The following MEMO1 variants were observed in gnomAD, a reference collection of about 807,000 sequenced individuals.
The protein encoded by MEMO1 is protein MEMO1.
Under a neutral mutation model 45.2 loss-of-function variants are expected in MEMO1, and 6 were observed. That is an observed-to-expected ratio of 0.13 (90% CI 0.07 to 0.26). The LOEUF (loss-of-function observed/expected upper bound fraction) is 0.26. MEMO1 is among the 10% of genes least tolerant of loss of function. The pLI is 1.00. For missense variants in MEMO1, 184 were observed against 370.5 expected, an observed-to-expected ratio of 0.50 and a Z score of 4.13; for synonymous variants, 78 against 124.3, an observed-to-expected ratio of 0.63 and a Z score of 2.48.
At chr2:31,971,344 C>T (rs1260571246) in intron 2 of MEMO1, among the ~76,000 whole-genome samples, 1 of 152,034 alleles carries the variant, frequency 6.6e-6, no homozygotes, top group Non-Finnish European at 1.5e-5. Context: ...ACCTCCTGGG[C>T]TCAAGTGATC....
chr2:31,890,689 G>T (rs929513258), intron 7 of MEMO1, among the ~76,000 whole-genome samples: 2 of 152,062 alleles, frequency 1.3e-5, no homozygotes, highest in Non-Finnish European at 2.9e-5. Context: ...TAAAAATCTG[G>T]GTTTCCCAAC....
chr2:31,920,712 G>T, intron 5 of MEMO1, 86 bp downstream of exon 5: 1 of 662,716 alleles, frequency 1.5e-6, no homozygotes, highest in African/African-American at 1.9e-5. Flanking sequence ...TATTACTTAT[G>T]ATATTCATAA....
chr2:31,937,567 C>A (rs556178467), intron 3 of MEMO1, among the ~76,000 whole-genome samples: 2 of 152,158 alleles, frequency 1.3e-5, no homozygotes, highest in South Asian at 2.1e-4. Flanking sequence ...TCTATATACA[C>A]GCTTTTTAGC....
At chr2:31,998,003 GTCTTC>G (rs1380188792) in intron 2 of MEMO1, among the ~76,000 whole-genome samples, 1 of 152,124 alleles carries the variant, frequency 6.6e-6, no homozygotes, top group Non-Finnish European at 1.5e-5. Context: ...ATGCTGAGAT[GTCTTC>G]AACTTAAAGC....
At chr2:31,999,697 A>G (rs1013286813) in intron 2 of MEMO1, among the ~76,000 whole-genome samples, 9 of 152,240 alleles carry the variant, frequency 5.9e-5, no homozygotes, top group African/African-American at 2.2e-4. Context: ...CTCTTAACTC[A>G]TATGATACTA....
chr2:31,911,906 G>A (rs1680620535), intron 6 of MEMO1, among the ~76,000 whole-genome samples: 2 of 152,084 alleles, frequency 1.3e-5, no homozygotes, highest in Admixed American at 1.3e-4. Flanking sequence ...CTCCCAAAGT[G>A]CTGGGATTAC....
At position 31,892,148 on chromosome 2, in the gene MEMO1, G is replaced by C. The variant is rs77153028; in HGVS notation, c.438-14C>G. 8.5e-7 allele frequency: 1 copy of C among 1,177,366 alleles called. No homozygotes were observed. The highest frequency in any genetic ancestry group is 1.1e-6 in the Non-Finnish European group (1 of 875,982). 72.9% of individuals were successfully genotyped at this position (1,177,366 alleles called of 1,614,324 possible). ...TCATCCTTATGGCTTAAAGAAAACA[G>C]AAAAAAAAAAAATGTCATTTAAGAT... On this transcript the variant is annotated splice_polypyrimidine_tract_variant and intron_variant, in intron 6 of 9. Transcript: ENST00000404530.
chr2:31,962,028 T>A (rs1668061923), intron 2 of MEMO1, among the ~76,000 whole-genome samples: 1 of 149,190 alleles, frequency 6.7e-6, no homozygotes, highest in Non-Finnish European at 1.5e-5. Context: ...AAAAAAAAAA[T>A]GAAGAGGATA....
chr2:32,000,259 C>G (rs182973805), intron 2 of MEMO1, among the ~76,000 whole-genome samples: 30 of 150,072 alleles, frequency 2.0e-4, no homozygotes, highest in Non-Finnish European at 3.3e-4. Flanking sequence ...GACGGAGTTT[C>G]ACTCTTGTTG....
intron 2 of MEMO1, among the ~76,000 whole-genome samples, chr2:32,003,272 C>T (rs1402291955): frequency 6.6e-6 from 1 of 152,048 alleles, no homozygotes; most frequent in Non-Finnish European, 1.5e-5. Flanking sequence ...AAAACAAAAA[C>T]TAAAACTGCA....
At chr2:31,900,769 A>G (rs1678666164) in intron 6 of MEMO1, among the ~76,000 whole-genome samples, 1 of 152,238 alleles carries the variant, frequency 6.6e-6, no homozygotes, top group Non-Finnish European at 1.5e-5. Context: ...AATGTCTATC[A>G]GAATGGCTAT....
At chr2:32,001,428 A>T (rs1673304972) in intron 2 of MEMO1, among the ~76,000 whole-genome samples, 1 of 152,048 alleles carries the variant, frequency 6.6e-6, no homozygotes, top group Non-Finnish European at 1.5e-5. Flanking sequence ...TATATGTATT[A>T]TATTTATATT....
At position 31,996,207 on chromosome 2, in the gene MEMO1, GGAGAGAGAGAGAAAGA is replaced by G. The variant is rs921745961; in HGVS notation, c.61+13964_61+13979del. Among the ~76,000 whole-genome samples the G allele has an allele frequency of 2.1e-3, 316 of 150,058 alleles. 2 individuals are homozygous for G. Among genetic ancestry groups the G allele is most frequent in the Non-Finnish European group, 1.3e-3 (90 of 67,374 alleles). On this transcript the variant is annotated intron_variant, in intron 2 of 9. Coordinates refer to ENST00000404530, the MANE Select transcript of MEMO1 (RefSeq NM_001301833.4). ...GAGAGGGAGAGAGAGAGACAGAGGGGGAGAGAGAGAGAAAGAGAGAGAGAGAGAAAGAAACAATGAA... is the reference window on the plus strand; with the variant it reads ...GAGAGGGAGAGAGAGAGACAGAGGGGGAGAGAGAGAGAAAGAAACAATGAA...
intron 7 of MEMO1, among the ~76,000 whole-genome samples, chr2:31,886,123 C>T (rs1304154527): frequency 6.6e-6 from 1 of 152,150 alleles, no homozygotes; most frequent in Non-Finnish European, 1.5e-5. Flanking sequence ...CTTTTTGTTA[C>T]TCTTTAGTAG....
intron 4 of MEMO1, among the ~76,000 whole-genome samples, chr2:31,928,706 A>C (rs937659079): frequency 6.6e-6 from 1 of 152,194 alleles, no homozygotes; most frequent in African/African-American, 2.4e-5. Flanking sequence ...ATTTTTTACC[A>C]TAAAAATATA....
intron 2 of MEMO1, among the ~76,000 whole-genome samples, chr2:31,981,893 T>C (rs1296369601): frequency 6.6e-6 from 1 of 152,160 alleles, no homozygotes; most frequent in African/African-American, 2.4e-5. Context: ...AAATCATAAA[T>C]AATGAACTTT....
intron 2 of MEMO1, among the ~76,000 whole-genome samples, chr2:31,956,491 C>T (rs1234641019): frequency 6.6e-6 from 1 of 152,180 alleles, no homozygotes; most frequent in African/African-American, 2.4e-5. Context: ...AGCTTTCACT[C>T]ACAGTTTGAT....
intron 2 of MEMO1, among the ~76,000 whole-genome samples, chr2:31,954,515 C>A (rs1341735829): frequency 1.3e-5 from 2 of 151,804 alleles, no homozygotes; most frequent in African/African-American, 4.8e-5. Flanking sequence ...GTCTACAGAC[C>A]AGAATCACGT....
intron 2 of MEMO1, among the ~76,000 whole-genome samples, chr2:31,971,235 C>T (rs1276755221): frequency 6.6e-6 from 1 of 152,066 alleles, no homozygotes; most frequent in Non-Finnish European, 1.5e-5. Flanking sequence ...CACAGTCACC[C>T]AGAAAAATGT....
Sources: allele counts gnomAD v4.1 joint callset (sites outside exome capture counted in the v4.1 genomes callset), GRCh38; gene constraint gnomAD v4.1.1; transcripts MANE v1.5; gene names NCBI Gene and HGNC (gene_info 2026-07-23, HGNC 2026-07-21).